RPL3L: variants seen among roughly 807,000 people sequenced by gnomAD.
RPL3L encodes ribosomal protein uL3-like.
In RPL3L, 44 loss-of-function variants were observed where a neutral mutation model predicts 44.5. The ratio of observed to expected loss-of-function variants is 0.99; its 90% CI spans 0.78 to 1.27. The LOEUF (loss-of-function observed/expected upper bound fraction) is 1.27, where lower values mean the gene tolerates loss of function less well. Among genes scored for constraint, RPL3L ranks in the 50% most tolerant of loss-of-function variants. The probability of loss-of-function intolerance (pLI) is 0.00; values close to 1 mark genes in which losing one functional copy is unlikely to be tolerated. For synonymous variants in RPL3L, 292 were observed against 230.7 expected, an observed-to-expected ratio of 1.27 and a Z score of -2.41; for missense variants, 631 against 569.1, an observed-to-expected ratio of 1.11 and a Z score of -1.11.
Position 1,954,674 on chromosome 16 carries a change from C to T in RPL3L, c.-43G>A. ...GGTCAGGAAGGGGCCTCGCCGCTAGCCGCCAGAGGTCGAGTGGCAGGGCCA... is the reference window on the plus strand; with the variant it reads ...GGTCAGGAAGGGGCCTCGCCGCTAGTCGCCAGAGGTCGAGTGGCAGGGCCA... On this transcript the variant is annotated 5_prime_UTR_variant, in exon 1 of 10. Transcript: ENST00000268661. 6.6e-7 allele frequency: 1 copy of T among 1,506,740 alleles called. No individual in the cohort carries two copies. Among genetic ancestry groups the T allele is most frequent in the Non-Finnish European group, 8.9e-7 (1 of 1,126,218 alleles). The allele number at this position is 1,506,740 out of a possible 1,614,324, so 93.3% of individuals were successfully genotyped here.
intron 4 of RPL3L, among the ~76,000 whole-genome samples, chr16:1,948,559 G>C (rs142391708): frequency 6.6e-6 from 1 of 151,796 alleles, no homozygotes; most frequent in Admixed American, 6.6e-5. Flanking sequence ...TTTTGAGACA[G>C]GGTCTCGCTC....
At chr16:1,950,429 A>G (rs2083164253) in intron 4 of RPL3L, among the ~76,000 whole-genome samples, 1 of 152,034 alleles carries the variant, frequency 6.6e-6, no homozygotes, top group Admixed American at 6.5e-5. Context: ...CCCTGAGGAC[A>G]AAGATGCCAA....
At chr16:1,946,858 A>G (rs1458496313) in intron 6 of RPL3L, 80 bp downstream of exon 6, 40 of 1,559,034 alleles carry the variant, frequency 2.6e-5, no homozygotes, top group Non-Finnish European at 3.4e-5. Context: ...TGTCTGGGTC[A>G]TGCACCCCAC....
In RPL3L at chr16:1,954,041, G is replaced by A; in HGVS notation, c.111C>T (p.Pro37=). ...GKVKTWPRDD[P]SQPVHLTAFL... ...AGGCCGTGAGGTGCACGGGCTGGCTGGGGTCATCCCGCGGCCACGTCTTCA... is the reference window on the plus strand; with the variant it reads ...AGGCCGTGAGGTGCACGGGCTGGCTAGGGTCATCCCGCGGCCACGTCTTCA... Residue 37 remains proline (P), a synonymous_variant, in exon 2 of 10, where the codon CCC becomes CCT. Coordinates refer to ENST00000268661, the MANE Select transcript of RPL3L (RefSeq NM_005061.3). 3.7e-6 allele frequency: 6 copies of A among 1,608,536 alleles called. No individual in the cohort carries two copies. Among genetic ancestry groups the A allele is most frequent in the Non-Finnish European group, 5.1e-6 (6 of 1,178,054 alleles).
intron 1 of RPL3L, 115 bp downstream of exon 1, chr16:1,954,514 T>C: frequency 8.6e-7 from 1 of 1,167,782 alleles, no homozygotes. Flanking sequence ...CAGCCTCCCA[T>C]CCCCTCACAG....
intron 8 of RPL3L, 67 bp from the exon 9 acceptor site, chr16:1,945,685 A>T (rs2083115584): frequency 6.2e-7 from 1 of 1,609,254 alleles, no homozygotes; most frequent in Non-Finnish European, 8.5e-7. Context: ...TGAACCTCCA[A>T]GCCCCACCAG....
At position 1,954,624 on chromosome 16, in the gene RPL3L, C is replaced by T. The variant is rs769466925; in HGVS notation, c.3+5G>A. The T allele has an allele frequency of 4.5e-5, 69 of 1,547,516 alleles. No individual in the cohort carries two copies. The highest frequency in any genetic ancestry group is 5.8e-5 in the Non-Finnish European group (67 of 1,148,860). ...CCAGCCCACCCTCACCCTGGTCCCA[C>T]CAACCATGGTGGCCGATCCCTGAAG... On this transcript the variant is annotated splice_donor_5th_base_variant and intron_variant, in intron 1 of 9. Coordinates refer to ENST00000268661, the MANE Select transcript of RPL3L (RefSeq NM_005061.3).
At position 1,947,002 on chromosome 16, in the gene RPL3L, A is replaced by C; in HGVS notation, c.785T>G (p.Val262Gly). Reference protein sequence around the residue: ...ACIGAWHPARVGCSIARAGQK... With the variant: ...ACIGAWHPARGGCSIARAGQK... ...CCCGGCCCGAGCAATGGAGCAGCCC[A>C]CGCGGGCGGGGTGCCAGGCGCCAAT... The change falls in exon 6 of 10, where the codon GTG becomes GGG. Residue 262 changes from valine (V) to glycine (G), a missense_variant. Coordinates refer to ENST00000268661, the MANE Select transcript of RPL3L (RefSeq NM_005061.3). 6.2e-7 allele frequency: 1 copy of C among 1,611,858 alleles called. No homozygotes were observed. Among genetic ancestry groups the C allele is most frequent in the Non-Finnish European group, 8.5e-7 (1 of 1,179,606 alleles).
chr16:1,944,932 C>G (rs2083109298), intron 9 of RPL3L, 39 bp from the exon 10 acceptor site: 4 of 1,446,950 alleles, frequency 2.8e-6, no homozygotes, highest in Non-Finnish European at 3.8e-6. Context: ...CTTAGTCACT[C>G]TGGCCAGAAA....
Position 1,946,606 on chromosome 16 carries a change from C to G in RPL3L, c.951+19G>C. The G allele has an allele frequency of 1.2e-6, 2 of 1,606,808 alleles. No homozygotes were observed. Among genetic ancestry groups the G allele is most frequent in the Non-Finnish European group, 1.7e-6 (2 of 1,175,408 alleles). ...TCAGCGGTGTGATGGGCCTGGCAGT[C>G]GCCCCCTCCCAGCCTCACCAGCGGT... On this transcript the variant is annotated intron_variant, in intron 7 of 9. Coordinates refer to ENST00000268661, the MANE Select transcript of RPL3L (RefSeq NM_005061.3).
rs1381988382 is a variant in RPL3L at position 1,950,959 on chromosome 16, G to C, written c.386C>G (p.Ala129Gly). Residue 129 changes from alanine to glycine, a missense_variant, in exon 4 of 10, where the codon GCC becomes GGC. Ala to Gly is a moderately conservative substitution (Grantham distance 60). Coordinates refer to ENST00000268661, the MANE Select transcript of RPL3L (RefSeq NM_005061.3). Reference protein sequence around the residue: ...YKDWHKSKKKAFTKACKRWRD... With the variant: ...YKDWHKSKKKGFTKACKRWRD... ...CCACCTCTTGCAGGCCTTGGTGAAGGCTTTCTTCTTGCTCTTGTGCCTGAG... is the reference window on the plus strand; with the variant it reads ...CCACCTCTTGCAGGCCTTGGTGAAGCCTTTCTTCTTGCTCTTGTGCCTGAG... The C allele has an allele frequency of 2.5e-6, 4 of 1,613,756 alleles. No individual in the cohort carries two copies. The highest frequency in any genetic ancestry group is 4.5e-5 in the East Asian group (2 of 44,888).
chr16:1,947,266 G>T lies in RPL3L; in HGVS notation c.616C>A (p.Pro206Thr). The change falls in exon 5 of 10, where the codon CCC (proline) becomes ACC (threonine). Residue 206 changes from proline to threonine, a missense_variant. Physicochemically the swap from Pro to Thr is conservative, Grantham distance 38. Coordinates refer to ENST00000268661, the MANE Select transcript of RPL3L (RefSeq NM_005061.3). ...CTCTGGCTGAACACGCTGTGCACGG[G>T]CACCTGCTTCTCCAGCCGGGCCTGG... ...WAQARLEKQV[P>T]VHSVFSQSEV... 6.2e-7 allele frequency: 1 copy of T among 1,613,418 alleles called. No homozygotes were observed.
intron 3 of RPL3L, among the ~76,000 whole-genome samples, chr16:1,951,373 G>A (rs1188110561): frequency 6.6e-6 from 1 of 152,064 alleles, no homozygotes; most frequent in Non-Finnish European, 1.5e-5. Context: ...CTCGGGCTTG[G>A]GAGCCATCCT....
At chr16:1,953,515 C>T (rs938553012) in intron 2 of RPL3L, among the ~76,000 whole-genome samples, 10 of 152,302 alleles carry the variant, frequency 6.6e-5, no homozygotes, top group African/African-American at 1.7e-4. Flanking sequence ...CCACCATGCC[C>T]GGCCTGCATT....
chr16:1,953,160 A>T (rs1939846712), intron 2 of RPL3L, 118 bp from the exon 3 acceptor site: 1 of 1,055,942 alleles, frequency 9.5e-7, no homozygotes, highest in Non-Finnish European at 1.3e-6. Context: ...CCAGGACAGC[A>T]TTCCCCAGAG....
intron 3 of RPL3L, 45 bp downstream of exon 3, chr16:1,952,829 T>C (rs765249770): frequency 6.2e-7 from 1 of 1,604,658 alleles, no homozygotes; most frequent in Admixed American, 1.7e-5. Context: ...CCAACTTCTG[T>C]GGTCCCAGCA....
Position 1,944,911 on chromosome 16 carries a change from G to A in RPL3L, c.1168-18C>T, listed in dbSNP as rs1436912591. On this transcript the variant is annotated intron_variant, in intron 9 of 9. Transcript: ENST00000268661. ...TGGGGGCCCTGGTTGAGAGGGTGGT[G>A]CAGGAGGAGCCTTAGTCACTCTGGC... 6.2e-7 allele frequency: 1 copy of A among 1,601,928 alleles called. No homozygotes were observed. The highest frequency in any genetic ancestry group is 8.5e-7 in the Non-Finnish European group (1 of 1,177,522).
intron 9 of RPL3L, 37 bp from the exon 10 acceptor site, chr16:1,944,930 C>CAAGAG (rs61276345): frequency 0.41 from 659,139 of 1,612,510 alleles, 140,077 homozygotes; most frequent in South Asian, 0.62. Flanking sequence ...GCCTTAGTCA[C>CAAGAG]TCTGGCCAGA....
chr16:1,952,995 G>A lies in RPL3L; in HGVS notation c.244C>T (p.Pro82Ser), dbSNP rs201602086. The part of the protein sequence containing the change: ...EVEAVTIVET[P>S]PLVVVGVVGY... ...ACCACGCCCACCACCACTAGGGGCG[G>A]CGTTTCTACAATTGTCACCGCCTCC... The change falls in exon 3 of 10, where the codon CCG becomes TCG. Residue 82 changes from proline (P) to serine (S), a missense_variant. Coordinates refer to ENST00000268661, the MANE Select transcript of RPL3L (RefSeq NM_005061.3). The A allele has an allele frequency of 6.4e-5, 103 of 1,610,386 alleles. No individual in the cohort carries two copies. Among genetic ancestry groups the A allele is most frequent in the Non-Finnish European group, 8.2e-5 (97 of 1,178,756 alleles).
Sources: gnomAD v4.1 joint callset for allele counts (sites outside exome capture counted in the v4.1 genomes callset) on GRCh38, gnomAD v4.1.1 for gene constraint, MANE v1.5 for transcripts, NCBI Gene and HGNC (gene_info 2026-07-23, HGNC 2026-07-21) for gene names.